Variants in L3MBTL4 observed in about 807,000 individuals in gnomAD.
L3MBTL4 encodes the protein L3MBTL histone methyl-lysine binding protein 4.
In L3MBTL4, 70 loss-of-function variants were observed where a neutral mutation model predicts 84.5. The ratio of observed to expected loss-of-function variants is 0.83; its 90% CI spans 0.68 to 1.01. The LOEUF is 1.01. Among genes scored for constraint, L3MBTL4 ranks in the 50% least tolerant of loss-of-function variants. The probability of loss-of-function intolerance (pLI) is 0.00; values close to 1 mark genes in which losing one functional copy is unlikely to be tolerated. For missense variants in L3MBTL4, 715 were observed against 754.8 expected (o/e 0.95, Z 0.62); for synonymous variants, 274 against 259.8 (o/e 1.05, Z -0.52).
chr18:6,029,705 A>C, intron 16 of L3MBTL4: 1 of 985,244 alleles, frequency 1.0e-6, no homozygotes, highest in East Asian at 1.1e-4. Context: ...ACAAAGGGTA[A>C]AATTAAAAGT....
At chr18:5,982,144 T>G (rs1208430686) in intron 16 of L3MBTL4, among the ~76,000 whole-genome samples, 2 of 152,164 alleles carry the variant, frequency 1.3e-5, no homozygotes, top group Non-Finnish European at 2.9e-5. Flanking sequence ...CCCTCTATGT[T>G]GCGTTTCAAC....
chr18:6,098,996 G>T (rs922406579), intron 14 of L3MBTL4, among the ~76,000 whole-genome samples: 2 of 152,132 alleles, frequency 1.3e-5, no homozygotes, highest in Non-Finnish European at 2.9e-5. Flanking sequence ...CAGAGAAAGG[G>T]GCTCAGCGAT....
intron 16 of L3MBTL4, among the ~76,000 whole-genome samples, chr18:6,064,598 GT>G (rs143605097): frequency 1.4e-5 from 2 of 140,810 alleles, no homozygotes. Flanking sequence ...ATATTCCTAG[GT>G]TTTTTTTTTT....
intron 3 of L3MBTL4, among the ~76,000 whole-genome samples, chr18:6,304,030 C>CA (rs775365285): frequency 0.19 from 26,037 of 133,552 alleles, 2,523 homozygotes; most frequent in African/African-American, 0.24. Context: ...AAAAAAAAAA[C>CA]AAAAAAAAAA....
At chr18:6,047,234 C>T (rs2056661421) in intron 16 of L3MBTL4, among the ~76,000 whole-genome samples, 1 of 152,026 alleles carries the variant, frequency 6.6e-6, no homozygotes, top group Non-Finnish European at 1.5e-5. Flanking sequence ...AACATCTAGT[C>T]CCAAAATTGA....
At chr18:6,295,309 A>ACTCTCT (rs58507219) in intron 4 of L3MBTL4, among the ~76,000 whole-genome samples, 1,566 of 62,474 alleles carry the variant, frequency 0.025, 35 homozygotes, top group South Asian at 0.036. Context: ...AACAACAACA[A>ACTCTCT]CTCTCTCTCT....
intron 10 of L3MBTL4, among the ~76,000 whole-genome samples, chr18:6,219,253 C>T (rs1270882810): frequency 5.3e-5 from 8 of 151,866 alleles, no homozygotes; most frequent in Admixed American, 5.2e-4. Flanking sequence ...GAAAACCCAG[C>T]GCATCCATGA....
intron 13 of L3MBTL4, among the ~76,000 whole-genome samples, chr18:6,166,888 G>C (rs865876547): frequency 1.3e-5 from 2 of 152,232 alleles, no homozygotes; most frequent in Middle Eastern, 6.8e-3. Flanking sequence ...GAATCCAGGA[G>C]CTGGATTTTT....
chr18:6,343,061 A>G (rs1391355691), intron 1 of L3MBTL4, among the ~76,000 whole-genome samples: 4 of 152,234 alleles, frequency 2.6e-5, no homozygotes, highest in African/African-American at 9.6e-5. Flanking sequence ...TGCACCCAAC[A>G]TAAGAGCAAA....
chr18:6,397,760 A>G (rs2144608587), intron 1 of L3MBTL4: 1 of 152,360 alleles, frequency 6.6e-6, no homozygotes, highest in East Asian at 1.9e-4. Context: ...AGAGGCTGAG[A>G]TGGGAGGAAC....
intron 14 of L3MBTL4, among the ~76,000 whole-genome samples, chr18:6,099,024 G>A (rs932406901): frequency 3.3e-5 from 5 of 152,164 alleles, no homozygotes; most frequent in African/African-American, 9.6e-5. Flanking sequence ...AGAAGGAAGA[G>A]GTATATGCTG....
chr18:6,060,338 G>C (rs1295911337), intron 16 of L3MBTL4, among the ~76,000 whole-genome samples: 1 of 151,132 alleles, frequency 6.6e-6, no homozygotes, highest in African/African-American at 2.4e-5. Context: ...AACGCATTCA[G>C]GTACACCAAA....
At position 6,104,820 on chromosome 18, in the gene L3MBTL4, T is replaced by G. The variant is rs949738251; in HGVS notation, c.1200-11292A>C. Among the ~76,000 whole-genome samples the G allele has an allele frequency of 3.9e-5, 6 of 152,362 alleles. 1 individual carries two copies. The East Asian group carries it at 1.2e-3, about 29-fold the overall frequency. ...ATTTGTAGATTCATATATGTATAGA[T>G]ATATTCCATATTAAAGAAGTTGGTT... On this transcript the variant is annotated intron_variant, in intron 14 of 18. Coordinates refer to ENST00000317931, the MANE Select transcript of L3MBTL4 (RefSeq NM_001330559.2).
intron 14 of L3MBTL4, among the ~76,000 whole-genome samples, chr18:6,124,433 AT>A (rs1216152424): frequency 2.7e-5 from 4 of 148,114 alleles, no homozygotes; most frequent in Non-Finnish European, 5.9e-5. Flanking sequence ...CAGTTATATT[AT>A]TATATATATG....
chr18:6,228,112 A>G (rs976544577), intron 10 of L3MBTL4, among the ~76,000 whole-genome samples: 2 of 152,218 alleles, frequency 1.3e-5, no homozygotes, highest in African/African-American at 2.4e-5. Flanking sequence ...CCAAACGTAG[A>G]CCTAGACATA....
chr18:5,969,595 G>C, intron 16 of L3MBTL4, 33 bp from the exon 17 acceptor site: 1 of 1,562,734 alleles, frequency 6.4e-7, no homozygotes, highest in Non-Finnish European at 8.7e-7. Flanking sequence ...TGAGGCTCAG[G>C]CTCCCAGAGA....
intron 5 of L3MBTL4, chr18:6,260,167 G>A (rs898977113): frequency 6.6e-6 from 1 of 152,144 alleles, no homozygotes; most frequent in Non-Finnish European, 1.5e-5. Flanking sequence ...TTTTGTACCA[G>A]TACCATGCTG....
chr18:6,340,946 G>A (rs2052578575), intron 1 of L3MBTL4, among the ~76,000 whole-genome samples: 1 of 152,138 alleles, frequency 6.6e-6, no homozygotes, highest in Admixed American at 6.5e-5. Flanking sequence ...ATAAATAGGA[G>A]GCCCTCATTC....
intron 14 of L3MBTL4, among the ~76,000 whole-genome samples, chr18:6,124,876 C>G (rs1047946413): frequency 1.3e-5 from 2 of 151,836 alleles, no homozygotes; most frequent in African/African-American, 4.8e-5. Context: ...ACGAATTGAT[C>G]TCTATTGCTT....
Sources: allele counts gnomAD v4.1 joint callset (sites outside exome capture counted in the v4.1 genomes callset), GRCh38; gene constraint gnomAD v4.1.1; transcripts MANE v1.5; gene names NCBI Gene and HGNC (gene_info 2026-07-23, HGNC 2026-07-21).